VMP1: variants seen among roughly 807,000 people sequenced by gnomAD.
VMP1 encodes ectopic P-granules autophagy protein 3 homolog.
A neutral mutation model predicts 56.0 loss-of-function variants in VMP1; 11 were observed. The observed-to-expected ratio is 0.20, with a 90% CI of 0.12 to 0.32. The LOEUF (loss-of-function observed/expected upper bound fraction) is 0.32. Ranked by LOEUF, VMP1 falls within the 10% of genes least tolerant of loss-of-function variation. The pLI, the probability that VMP1 is intolerant of heterozygous loss-of-function variation, is 1.00. For synonymous variants in VMP1, 149 were observed against 165.0 expected, an observed-to-expected ratio of 0.90 and a Z score of 0.74; for missense variants, 296 against 490.3, an observed-to-expected ratio of 0.60 and a Z score of 3.74.
chr17:59,750,549 A>G (rs943740534), intron 5 of VMP1, among the ~76,000 whole-genome samples: 49 of 151,976 alleles, frequency 3.2e-4, no homozygotes, highest in Non-Finnish European at 5.4e-4. Context: ...TGATCCACCC[A>G]CCTCGGCCTC....
chr17:59,837,261 T>C lies in VMP1; in HGVS notation c.975-1034T>C, dbSNP rs184735369. Among the ~76,000 whole-genome samples the C allele has an allele frequency of 8.9e-4, 135 of 152,226 alleles. 1 individual carries two copies. The highest frequency in any genetic ancestry group is 8.2e-4 in the Non-Finnish European group (56 of 68,020). On this transcript the variant is annotated intron_variant, in intron 10 of 11. Transcript: ENST00000262291. ...TCAGTGTACTTAATAGGACAAGCAT[T>C]AGGCAGTGTTGCAAGTACATATCGG...
chr17:59,719,414 G>A (rs559601105), intron 1 of VMP1, among the ~76,000 whole-genome samples: 2 of 152,118 alleles, frequency 1.3e-5, no homozygotes, highest in Non-Finnish European at 2.9e-5. Flanking sequence ...TGCCTTGTAT[G>A]AAGAACAATG....
intron 1 of VMP1, among the ~76,000 whole-genome samples, chr17:59,721,794 A>T (rs2143750105): frequency 6.6e-6 from 1 of 152,350 alleles, no homozygotes; most frequent in South Asian, 2.1e-4. Context: ...TCAACATTGT[A>T]TTGCTCTGCC....
chr17:59,777,276 T>A (rs1303859267), intron 7 of VMP1, among the ~76,000 whole-genome samples: 1 of 152,228 alleles, frequency 6.6e-6, no homozygotes, highest in East Asian at 1.9e-4. Context: ...GAAAATGTGA[T>A]ACCATACATT....
intron 3 of VMP1, 85 bp downstream of exon 3, chr17:59,735,558 C>T: frequency 7.0e-7 from 1 of 1,418,580 alleles, no homozygotes; most frequent in Non-Finnish European, 9.7e-7. Flanking sequence ...TTTCTGCCCT[C>T]TACTCCATCA....
intron 1 of VMP1, 90 bp downstream of exon 1, chr17:59,707,838 G>C (rs1294440746): frequency 6.6e-6 from 1 of 152,314 alleles, no homozygotes. Flanking sequence ...CTTAGGCATT[G>C]CGGATCTGGG....
chr17:59,710,318 G>A (rs2143683656), intron 1 of VMP1, among the ~76,000 whole-genome samples: 1 of 152,328 alleles, frequency 6.6e-6, no homozygotes, highest in Non-Finnish European at 1.5e-5. Context: ...GAAACAATCA[G>A]TAATTAGTAA....
At chr17:59,819,506 T>C (rs1013314803) in intron 10 of VMP1, among the ~76,000 whole-genome samples, 1 of 152,172 alleles carries the variant, frequency 6.6e-6, no homozygotes, top group South Asian at 2.1e-4. Context: ...CAGGCTGGAG[T>C]GCAGTGGTGC....
intron 6 of VMP1, among the ~76,000 whole-genome samples, chr17:59,771,567 CA>C (rs1157553409): frequency 6.6e-6 from 1 of 150,418 alleles, no homozygotes; most frequent in South Asian, 2.1e-4. Flanking sequence ...TAGCATCCTC[CA>C]AAGTTGGCCA....
At chr17:59,806,492 C>G (rs1050675493) in intron 7 of VMP1, among the ~76,000 whole-genome samples, 2 of 151,722 alleles carry the variant, frequency 1.3e-5, no homozygotes, top group Non-Finnish European at 2.9e-5. Flanking sequence ...TTTGGGAGGC[C>G]GAGGTGGGAG....
chr17:59,736,970 G>T (rs1057324442), intron 3 of VMP1, among the ~76,000 whole-genome samples: 1 of 152,162 alleles, frequency 6.6e-6, no homozygotes, highest in African/African-American at 2.4e-5. Flanking sequence ...GAACCCGGGA[G>T]GTGGAGCTTG....
intron 6 of VMP1, among the ~76,000 whole-genome samples, chr17:59,769,975 C>T (rs1340868308): frequency 6.6e-6 from 1 of 151,994 alleles, no homozygotes; most frequent in Non-Finnish European, 1.5e-5. Context: ...GGGACACCTG[C>T]CTGGATGACT....
At chr17:59,741,970 G>A (rs576405859) in intron 5 of VMP1, among the ~76,000 whole-genome samples, 2 of 152,076 alleles carry the variant, frequency 1.3e-5, no homozygotes, top group Non-Finnish European at 2.9e-5. Context: ...GTTTTTTACT[G>A]AGTGACTGGG....
At chr17:59,837,309 A>G (rs547226915) in intron 10 of VMP1, among the ~76,000 whole-genome samples, 1 of 152,302 alleles carries the variant, frequency 6.6e-6, no homozygotes, top group East Asian at 1.9e-4. Flanking sequence ...TGGCTCTAAG[A>G]AAGAGTTTGA....
chr17:59,806,109 A>C (rs1490358605), intron 7 of VMP1, among the ~76,000 whole-genome samples: 1 of 152,148 alleles, frequency 6.6e-6, no homozygotes, highest in African/African-American at 2.4e-5. Flanking sequence ...GTTTTTATTT[A>C]GTGCTTCAAA....
intron 9 of VMP1, among the ~76,000 whole-genome samples, chr17:59,815,774 G>A (rs1174868950): frequency 6.7e-6 from 1 of 149,292 alleles, no homozygotes; most frequent in South Asian, 2.1e-4. Flanking sequence ...GGAGAATGAC[G>A]TGAACCAGGA....
intron 6 of VMP1, among the ~76,000 whole-genome samples, chr17:59,766,351 CA>C (rs1254832072): frequency 6.6e-6 from 1 of 151,992 alleles, no homozygotes; most frequent in Non-Finnish European, 1.5e-5. Flanking sequence ...TAAAAATACA[CA>C]GATTAGCCGG....
intron 5 of VMP1, among the ~76,000 whole-genome samples, chr17:59,740,990 G>T (rs2035205298): frequency 6.6e-6 from 1 of 152,156 alleles, no homozygotes; most frequent in African/African-American, 2.4e-5. Context: ...TTGAGCCTAG[G>T]AGTTCAAGTC....
At chr17:59,757,080 T>G (rs2035866529) in intron 5 of VMP1, among the ~76,000 whole-genome samples, 1 of 152,198 alleles carries the variant, frequency 6.6e-6, no homozygotes, top group Non-Finnish European at 1.5e-5. Context: ...TTTACTAATA[T>G]GATTTTTTCA....
Sources: allele counts gnomAD v4.1 joint callset (sites outside exome capture counted in the v4.1 genomes callset), GRCh38; gene constraint gnomAD v4.1.1; transcripts MANE v1.5; gene names NCBI Gene and HGNC (gene_info 2026-07-23, HGNC 2026-07-21).